Variants in MYO16 observed in about 807,000 individuals in gnomAD.
MYO16 encodes unconventional myosin-XVI.
A neutral mutation model predicts 205.3 loss-of-function variants in MYO16; 94 were observed. That is an observed-to-expected ratio of 0.46 (90% CI 0.39 to 0.54). The LOEUF (loss-of-function observed/expected upper bound fraction) is 0.54. MYO16 is among the 20% of genes least tolerant of loss of function. MYO16 has a pLI of 0.00. For missense variants in MYO16, 2,315 were observed against 2,387.5 expected, an observed-to-expected ratio of 0.97 and a Z score of 0.63; for synonymous variants, 988 against 954.0, an observed-to-expected ratio of 1.04 and a Z score of -0.66.
intron 32 of MYO16, among the ~76,000 whole-genome samples, chr13:109,157,055 G>A (rs78105398): frequency 0.023 from 3,422 of 151,942 alleles, 59 homozygotes; most frequent in Non-Finnish European, 0.034. Context: ...CTGCTGCTCT[G>A]AACCACGCCC....
intron 31 of MYO16, among the ~76,000 whole-genome samples, chr13:109,134,635 AG>A (rs1394722041): frequency 6.6e-6 from 1 of 152,196 alleles, no homozygotes; most frequent in African/African-American, 2.4e-5. Context: ...TGACAGCTTC[AG>A]GGTATCCAAC....
chr13:108,751,061 TCACACACA>T (rs35604385), intron 4 of MYO16, among the ~76,000 whole-genome samples: 2 of 149,856 alleles, frequency 1.3e-5, no homozygotes, highest in Non-Finnish European at 3.0e-5. Flanking sequence ...ATATGTGTGT[TCACACACA>T]CACACACACA....
chr13:109,040,700 A>G (rs967067488), intron 23 of MYO16, among the ~76,000 whole-genome samples: 19 of 152,146 alleles, frequency 1.2e-4, no homozygotes, highest in African/African-American at 1.7e-4. Context: ...ACAAATAGGA[A>G]TGGAAAAGAT....
chr13:108,676,644 G>C (rs1882224749), intron 2 of MYO16, among the ~76,000 whole-genome samples: 1 of 152,150 alleles, frequency 6.6e-6, no homozygotes, highest in South Asian at 2.1e-4. Context: ...CACACAGAGG[G>C]AGGGCAGCAT....
chr13:108,964,822 CA>C lies in MYO16; in HGVS notation c.2291del (p.Lys764SerfsTer12). 2 of 1,614,060 alleles carry C rather than the reference CA, an allele frequency of 1.2e-6. No homozygotes were observed. The highest frequency in any genetic ancestry group is 1.7e-6 in the Non-Finnish European group (2 of 1,179,990). ...IAEFFRDLLA[K>X]SLYSRLFSFL... ...CTGAGTTTTTCCGAGACCTCTTGGC[CA>C]AGTCCCTGTACAGTCGTTTGTTTAG... On this transcript the variant is annotated frameshift_variant, in exon 20 of 35. Coordinates refer to ENST00000457511, the MANE Select transcript of MYO16 (RefSeq NM_001198950.3). LOFTEE classifies it high-confidence loss of function.
chr13:108,497,993 T>C, the MYO16 span, among the ~76,000 whole-genome samples: 2 of 152,224 alleles, frequency 1.3e-5, no homozygotes, highest in African/African-American at 4.8e-5. Flanking sequence ...GAATCATATA[T>C]GATCCAAATA....
chr13:108,743,716 G>C (rs1432185527), intron 4 of MYO16, among the ~76,000 whole-genome samples: 1 of 152,230 alleles, frequency 6.6e-6, no homozygotes, highest in Non-Finnish European at 1.5e-5. Flanking sequence ...AATGGACAAA[G>C]TGGAACTAGA....
chr13:108,538,250 C>G, the MYO16 span, among the ~76,000 whole-genome samples: 2 of 151,760 alleles, frequency 1.3e-5, no homozygotes, highest in Non-Finnish European at 2.9e-5. Flanking sequence ...GGGATCAGAA[C>G]AAATAAGAAT....
rs76429386 is a variant in MYO16 at position 108,984,187 on chromosome 13, G to A, written c.2370-8189G>A. On this transcript the variant is annotated intron_variant, in intron 20 of 34. Coordinates refer to ENST00000457511, the MANE Select transcript of MYO16 (RefSeq NM_001198950.3). The stretch of plus-strand genomic sequence containing the variant: ...CCTCAACCCAAATTATGCTAAAAAT[G>A]CATCCAATTCCATGGGTCCTGAGGT... Among the ~76,000 whole-genome samples the A allele has an allele frequency of 4.1e-3, 630 of 152,240 alleles. 9 individuals carry two copies. In the East Asian group the frequency reaches 0.05, roughly 12 times the overall value.
At chr13:108,645,374 C>T (rs764245188) in intron 1 of MYO16, among the ~76,000 whole-genome samples, 2 of 152,078 alleles carry the variant, frequency 1.3e-5, no homozygotes, top group African/African-American at 2.4e-5. Flanking sequence ...CCAGTGTCTA[C>T]GATAGTTTGC....
the MYO16 span, among the ~76,000 whole-genome samples, chr13:108,496,346 G>A: frequency 2.0e-5 from 3 of 152,224 alleles, no homozygotes; most frequent in Admixed American, 6.5e-5. Flanking sequence ...CCGCTCCCAG[G>A]CGCGATGGGG....
chr13:109,009,209 T>C (rs1438527932), intron 22 of MYO16, among the ~76,000 whole-genome samples, 160 bp downstream of exon 22: 1 of 152,228 alleles, frequency 6.6e-6, no homozygotes, highest in African/African-American at 2.4e-5. Flanking sequence ...AGTTATCTTT[T>C]TATGAAAGGA....
At chr13:108,700,969 G>C (rs7318899) in intron 2 of MYO16, among the ~76,000 whole-genome samples, 109,858 of 151,940 alleles carry the variant, frequency 0.72, 39,752 homozygotes, top group East Asian at 0.86. Flanking sequence ...CTGTCTCCAA[G>C]AGCACCACAG....
chr13:109,102,684 C>T (rs1889009393), intron 28 of MYO16, among the ~76,000 whole-genome samples: 1 of 152,048 alleles, frequency 6.6e-6, no homozygotes, highest in Non-Finnish European at 1.5e-5. Flanking sequence ...CTGTAAAGTA[C>T]AGGTCAAATA....
chr13:108,665,948 G>C lies in MYO16; in HGVS notation c.91G>C (p.Glu31Gln), dbSNP rs1255396718. ...HEMEIDQCLL[E>Q]SLPLGQRQRL... ...GATGGAAATCGACCAGTGCTTGCTAGAGTCCCTTCCCCTTGGCCAACGGCA... is the reference window on the plus strand; with the variant it reads ...GATGGAAATCGACCAGTGCTTGCTACAGTCCCTTCCCCTTGGCCAACGGCA... Residue 31 changes from glutamate (E) to glutamine (Q), a missense_variant, in exon 2 of 35, where the codon GAG (glutamate) becomes CAG (glutamine). By Grantham distance (29) the Glu-to-Gln change is conservative (BLOSUM62 2). Around this residue, in one of 3 missense-constraint regions of MYO16, gnomAD observed 1,213 missense variants for 1,274.4 expected, o/e 0.95. Transcript: ENST00000457511. 1 of 1,613,994 alleles carries C rather than the reference G, an allele frequency of 6.2e-7. No individual in the cohort carries two copies. The highest frequency in any genetic ancestry group is 1.3e-5 in the African/African-American group (1 of 74,920).
At chr13:109,185,011 A>G (rs559107980) in intron 34 of MYO16, among the ~76,000 whole-genome samples, 11 of 152,084 alleles carry the variant, frequency 7.2e-5, no homozygotes, top group Non-Finnish European at 1.2e-4. Flanking sequence ...CTGACCTCAA[A>G]TGATTTGCCC....
intron 2 of MYO16, among the ~76,000 whole-genome samples, chr13:108,675,040 A>T (rs1882142185): frequency 6.6e-6 from 1 of 152,174 alleles, no homozygotes; most frequent in South Asian, 2.1e-4. Flanking sequence ...ATAGGATGGG[A>T]ACATACCGCC....
chr13:109,007,256 C>T (rs948697065), intron 21 of MYO16, among the ~76,000 whole-genome samples: 5 of 151,934 alleles, frequency 3.3e-5, no homozygotes, highest in Non-Finnish European at 7.4e-5. Flanking sequence ...GGTGAGGTGG[C>T]GGGCGCCTGT....
intron 27 of MYO16, among the ~76,000 whole-genome samples, chr13:109,064,540 T>C (rs1246974623): frequency 6.6e-6 from 1 of 152,224 alleles, no homozygotes; most frequent in Non-Finnish European, 1.5e-5. Context: ...ATTTCTCTCT[T>C]GCATTGCATT....
Sources: gnomAD v4.1 joint callset for allele counts (sites outside exome capture counted in the v4.1 genomes callset) on GRCh38, gnomAD v4.1.1 for gene constraint, gnomAD v4.1.1 regional missense constraint, MANE v1.5 for transcripts, NCBI Gene and HGNC (gene_info 2026-07-23, HGNC 2026-07-21) for gene names.